FCHSD2: variants seen among roughly 807,000 people sequenced by gnomAD.
The protein encoded by FCHSD2 is FCH and double SH3 domains 2, also known as F-BAR and double SH3 domains protein 2.
In FCHSD2, 38 loss-of-function variants were observed where a neutral mutation model predicts 108.1. The observed-to-expected ratio is 0.35, with a 90% CI of 0.27 to 0.46. The LOEUF is 0.46. Ranked by LOEUF, FCHSD2 falls within the 20% of genes least tolerant of loss-of-function variation. The pLI is 1.00. For missense variants in FCHSD2, 751 were observed against 897.8 expected (o/e 0.84, Z 2.09); for synonymous variants, 279 against 314.7 (o/e 0.89, Z 1.20).
intron 2 of FCHSD2, among the ~76,000 whole-genome samples, chr11:73,129,763 T>C (rs562588493): frequency 1.4e-4 from 21 of 152,254 alleles, no homozygotes; most frequent in African/African-American, 5.1e-4. Context: ...GAAAACTGTC[T>C]TCCAGGAAAC....
chr11:73,120,178 A>T (rs553848617), intron 2 of FCHSD2, among the ~76,000 whole-genome samples: 1 of 152,124 alleles, frequency 6.6e-6, no homozygotes, highest in South Asian at 2.1e-4. Context: ...CGTGGGAATT[A>T]TGGGAATTCA....
At chr11:72,921,777 C>G in intron 9 of FCHSD2, 51 bp downstream of exon 9, 1 of 1,510,506 alleles carries the variant, frequency 6.6e-7, no homozygotes, top group Non-Finnish European at 9.1e-7. Context: ...TGCAGAAATA[C>G]TTTAGCTTCT....
At chr11:73,105,027 T>C (rs932265463) in intron 2 of FCHSD2, among the ~76,000 whole-genome samples, 4 of 152,214 alleles carry the variant, frequency 2.6e-5, no homozygotes, top group East Asian at 1.9e-4. Context: ...GCTAGTAAAG[T>C]ACTTCAAGTT....
At chr11:72,927,643 C>T (rs1430514547) in intron 8 of FCHSD2, among the ~76,000 whole-genome samples, 2 of 152,224 alleles carry the variant, frequency 1.3e-5, no homozygotes, top group African/African-American at 4.8e-5. Flanking sequence ...CCCTAAGAGT[C>T]TGCATTTTCT....
At chr11:72,880,869 A>G (rs558098471) in intron 12 of FCHSD2, among the ~76,000 whole-genome samples, 42 of 78,822 alleles carry the variant, frequency 5.3e-4, no homozygotes, top group African/African-American at 1.4e-3. Flanking sequence ...CCCTGTCTCG[A>G]AAAAAAAAAA....
At position 72,866,766 on chromosome 11, in the gene FCHSD2, T is replaced by C. The variant is rs373510520; in HGVS notation, c.1308+1099A>G. Among the ~76,000 whole-genome samples the C allele has an allele frequency of 2.4e-4, 36 of 152,348 alleles. No individual in the cohort carries two copies. The South Asian group carries it at 6.2e-3, about 26-fold the overall frequency. ...TGCAAGTGTATTCTCATTAGAAAAT[T>C]AGAATGCTATGTGAAAAAATTGACA... On this transcript the variant is annotated intron_variant, in intron 13 of 19. Coordinates refer to ENST00000409418, the MANE Select transcript of FCHSD2 (RefSeq NM_014824.3).
chr11:73,136,539 T>C (rs1440617093), intron 2 of FCHSD2, among the ~76,000 whole-genome samples: 1 of 152,124 alleles, frequency 6.6e-6, no homozygotes, highest in Non-Finnish European at 1.5e-5. Context: ...AGAGTGAGAC[T>C]GCCTCAAATT....
intron 8 of FCHSD2, among the ~76,000 whole-genome samples, chr11:72,946,407 A>AG (rs1364064281): frequency 1.6e-5 from 1 of 63,378 alleles, no homozygotes; most frequent in Non-Finnish European, 3.0e-5. Context: ...GGGGTGGGGG[A>AG]GGGGGGAGGG....
At chr11:73,085,956 T>C (rs1220894520) in intron 2 of FCHSD2, among the ~76,000 whole-genome samples, 2 of 152,224 alleles carry the variant, frequency 1.3e-5, no homozygotes, top group Non-Finnish European at 2.9e-5. Flanking sequence ...TGATGGCAGA[T>C]CTACTAAACA....
At chr11:72,926,067 C>G (rs940983548) in intron 8 of FCHSD2, among the ~76,000 whole-genome samples, 6 of 152,316 alleles carry the variant, frequency 3.9e-5, no homozygotes, top group African/African-American at 1.4e-4. Flanking sequence ...TCTCCTGGAG[C>G]CCACTCAGAT....
intron 12 of FCHSD2, among the ~76,000 whole-genome samples, chr11:72,872,748 A>G (rs769942783): frequency 3.4e-4 from 52 of 152,194 alleles, no homozygotes; most frequent in Non-Finnish European, 6.2e-4. Context: ...TAATATTGCT[A>G]TAAACGTGTG....
At chr11:73,116,043 TATG>T (rs1431950088) in intron 2 of FCHSD2, among the ~76,000 whole-genome samples, 1 of 152,204 alleles carries the variant, frequency 6.6e-6, no homozygotes, top group African/African-American at 2.4e-5. Flanking sequence ...CACCACTAAA[TATG>T]ATGACTGCAG....
intron 3 of FCHSD2, among the ~76,000 whole-genome samples, chr11:73,054,198 A>G (rs996607680): frequency 6.6e-6 from 1 of 151,992 alleles, no homozygotes; most frequent in Admixed American, 6.6e-5. Context: ...AAAGCATAAA[A>G]TATTTACTAT....
chr11:72,988,628 G>T (rs1437594443), intron 6 of FCHSD2, among the ~76,000 whole-genome samples: 2 of 152,274 alleles, frequency 1.3e-5, no homozygotes, highest in East Asian at 1.9e-4. Context: ...TGAGAAAAAT[G>T]AGGCTCTTAA....
At chr11:72,928,231 C>A (rs1226796268) in intron 8 of FCHSD2, among the ~76,000 whole-genome samples, 2 of 150,926 alleles carry the variant, frequency 1.3e-5, no homozygotes, top group African/African-American at 2.4e-5. Context: ...ACCTGAATAA[C>A]ATATTAGGGA....
At chr11:73,100,047 G>A (rs1034163930) in intron 2 of FCHSD2, among the ~76,000 whole-genome samples, 6 of 152,140 alleles carry the variant, frequency 3.9e-5, no homozygotes, top group Non-Finnish European at 8.8e-5. Flanking sequence ...CCCGGAAGGC[G>A]TGTTCTTGGC....
chr11:72,873,947 T>A (rs758752222), intron 12 of FCHSD2, among the ~76,000 whole-genome samples: 2 of 152,228 alleles, frequency 1.3e-5, no homozygotes, highest in Non-Finnish European at 2.9e-5. Flanking sequence ...AAAAGGATAC[T>A]ACCGTGCCAC....
intron 3 of FCHSD2, among the ~76,000 whole-genome samples, chr11:73,050,606 A>T (rs1858876677): frequency 6.6e-6 from 1 of 152,174 alleles, no homozygotes; most frequent in African/African-American, 2.4e-5. Context: ...TAACAGGTGA[A>T]CAAATAAGAC....
At chr11:73,131,759 C>T (rs1349836615) in intron 2 of FCHSD2, among the ~76,000 whole-genome samples, 1 of 150,970 alleles carries the variant, frequency 6.6e-6, no homozygotes, top group Admixed American at 6.6e-5. Context: ...AACTGCAAGA[C>T]ACATTATTTT....
Sources: allele counts gnomAD v4.1 joint callset (sites outside exome capture counted in the v4.1 genomes callset), GRCh38; gene constraint gnomAD v4.1.1; transcripts MANE v1.5; gene names NCBI Gene and HGNC (gene_info 2026-07-23, HGNC 2026-07-21).